Variants in CNTN4 observed in about 807,000 individuals in gnomAD.
The protein encoded by CNTN4 is contactin 4, also known as contactin-4.
CNTN4 carries 77 observed loss-of-function variants against 122.5 expected under a neutral mutation model. The observed-to-expected ratio is 0.63, with a 90% CI of 0.52 to 0.76. CNTN4 has a LOEUF of 0.76. Ranked by LOEUF, CNTN4 falls within the 30% of genes least tolerant of loss-of-function variation. CNTN4 has a pLI of 0.00. For missense variants in CNTN4, 1,256 were observed against 1,259.1 expected (o/e 1.00, Z 0.04); for synonymous variants, 512 against 447.0 (o/e 1.15, Z -1.83).
Position 2,120,405 on chromosome 3 carries a change from ATTTTTT to A in CNTN4, c.-145+19778_-145+19783del, listed in dbSNP as rs57112843. ...TATATATATATATATATATATATAT[ATTTTTT>A]TTTTTTTTTTTATGCAGAGTCTCAC... On this transcript the variant is annotated intron_variant, in intron 2 of 24. Coordinates refer to ENST00000418658, the MANE Select transcript of CNTN4 (RefSeq NM_175607.3). 2.9e-4 allele frequency among the ~76,000 whole-genome samples: 12 copies of A among 40,868 alleles called. 1 individual carries two copies. The highest frequency in any genetic ancestry group is 1.1e-3 in the African/African-American group (10 of 9,024). The allele number at this position is 40,868 out of a possible 152,430, so 26.8% of individuals were successfully genotyped here.
At chr3:2,900,657 C>T (rs1476458105) in intron 10 of CNTN4, 28 bp from the exon 11 acceptor site, 1 of 1,611,290 alleles carries the variant, frequency 6.2e-7, no homozygotes, top group Non-Finnish European at 8.5e-7. Context: ...TGAATATACA[C>T]CTTTCTTTGC....
chr3:2,657,696 CTG>C (rs2083656749), intron 4 of CNTN4, among the ~76,000 whole-genome samples: 1 of 151,952 alleles, frequency 6.6e-6, no homozygotes, highest in African/African-American at 2.4e-5. Flanking sequence ...GTTTATGGCT[CTG>C]TGGTTTGGGT....
chr3:2,967,770 T>C (rs1286559368), intron 13 of CNTN4, among the ~76,000 whole-genome samples: 1 of 152,130 alleles, frequency 6.6e-6, no homozygotes, highest in African/African-American at 2.4e-5. Flanking sequence ...GGTGTGTATA[T>C]GAACACATTC....
rs184240046 is a variant in CNTN4, at chr3:2,207,797, G to A, written c.-145+107158G>A. ...TCCTTCTATTGGAAGAAAATGCCAT[G>A]TAGGGTTTTCATAGTTACAGAGGAG... is the stretch of plus-strand genomic sequence containing the variant. On this transcript the variant is annotated intron_variant, in intron 2 of 24. Transcript: ENST00000418658. Among the ~76,000 whole-genome samples, 46 of 152,204 alleles carry A rather than the reference G, an allele frequency of 3.0e-4. 1 individual carries two copies. Among genetic ancestry groups the A allele is most frequent in the Admixed American group, 2.6e-3 (40 of 15,252 alleles).
intron 3 of CNTN4, among the ~76,000 whole-genome samples, chr3:2,406,171 A>G (rs1414437086): frequency 1.3e-5 from 2 of 152,226 alleles, no homozygotes; most frequent in East Asian, 3.8e-4. Context: ...CCCAAAATTT[A>G]TTAATTATAA....
chr3:3,047,305 C>G (rs1327193963), intron 23 of CNTN4, among the ~76,000 whole-genome samples: 2 of 152,150 alleles, frequency 1.3e-5, no homozygotes, highest in East Asian at 3.9e-4. Flanking sequence ...ACTCTCCACC[C>G]CAAATCAACA....
chr3:2,282,350 A>T (rs2041747632), intron 2 of CNTN4, among the ~76,000 whole-genome samples: 1 of 150,226 alleles, frequency 6.7e-6, no homozygotes, highest in African/African-American at 2.5e-5. Context: ...TATATAAATG[A>T]CCTTTAATGT....
At chr3:2,894,547 A>G (rs1455341835) in intron 10 of CNTN4, among the ~76,000 whole-genome samples, 1 of 152,198 alleles carries the variant, frequency 6.6e-6, no homozygotes, top group African/African-American at 2.4e-5. Context: ...AATGATGTGC[A>G]TAAAGTGAAG....
chr3:2,455,050 ATAAAACCAG>A (rs2048947682), intron 3 of CNTN4, among the ~76,000 whole-genome samples: 1 of 144,180 alleles, frequency 6.9e-6, no homozygotes, highest in South Asian at 2.1e-4. Flanking sequence ...AGGGACAAAA[ATAAAACCAG>A]TAAATATGGT....
intron 2 of CNTN4, among the ~76,000 whole-genome samples, chr3:2,291,935 C>T (rs2042151023): frequency 6.6e-6 from 1 of 151,986 alleles, no homozygotes; most frequent in African/African-American, 2.4e-5. Flanking sequence ...GGGGTTTCAC[C>T]ATATTGGTCA....
At chr3:2,638,139 C>T (rs1034848722) in intron 4 of CNTN4, among the ~76,000 whole-genome samples, 1 of 152,208 alleles carries the variant, frequency 6.6e-6, no homozygotes, top group Non-Finnish European at 1.5e-5. Context: ...TTGACTTTAA[C>T]TTCCACCTTA....
At chr3:2,506,456 A>G (rs1402563094) in intron 3 of CNTN4, among the ~76,000 whole-genome samples, 4 of 152,230 alleles carry the variant, frequency 2.6e-5, no homozygotes, top group African/African-American at 7.2e-5. Flanking sequence ...ATAAATGCAT[A>G]GAAGTCTATA....
At chr3:3,049,638 A>G (rs141304771) in intron 23 of CNTN4, among the ~76,000 whole-genome samples, 5 of 152,298 alleles carry the variant, frequency 3.3e-5, no homozygotes, top group African/African-American at 4.8e-5. Context: ...TGAGGGGAAT[A>G]GAGAAAGCCA....
At chr3:2,201,307 T>G (rs1196511731) in intron 2 of CNTN4, among the ~76,000 whole-genome samples, 1 of 152,196 alleles carries the variant, frequency 6.6e-6, no homozygotes, top group Non-Finnish European at 1.5e-5. Context: ...CAATGAGTTC[T>G]TAATTGGGTA....
chr3:2,494,119 T>C (rs1470183817), intron 3 of CNTN4, among the ~76,000 whole-genome samples: 3 of 152,116 alleles, frequency 2.0e-5, no homozygotes, highest in Non-Finnish European at 4.4e-5. Context: ...CAATTATTGA[T>C]GAAAGAGAGT....
At chr3:2,185,189 T>A (rs1468429284) in intron 2 of CNTN4, among the ~76,000 whole-genome samples, 1 of 152,182 alleles carries the variant, frequency 6.6e-6, no homozygotes, top group Non-Finnish European at 1.5e-5. Context: ...TCTCTTGGGA[T>A]GTATCCACTG....
intron 13 of CNTN4, among the ~76,000 whole-genome samples, chr3:2,960,063 C>T (rs1233707105): frequency 3.9e-5 from 6 of 152,038 alleles, no homozygotes; most frequent in African/African-American, 1.4e-4. Flanking sequence ...AAATGAAGAA[C>T]TTCATTTTCA....
At chr3:2,582,969 T>TA (rs2080013442) in intron 4 of CNTN4, among the ~76,000 whole-genome samples, 1 of 150,458 alleles carries the variant, frequency 6.6e-6, no homozygotes, top group Non-Finnish European at 1.5e-5. Flanking sequence ...CAAATAGATT[T>TA]AAAACGTATG....
chr3:2,427,018 C>A (rs2047864582), intron 3 of CNTN4, among the ~76,000 whole-genome samples: 1 of 152,096 alleles, frequency 6.6e-6, no homozygotes, highest in African/African-American at 2.4e-5. Context: ...TTTCAAAAAA[C>A]CAGCTCCTGG....
Sources: gnomAD v4.1 joint callset for allele counts (sites outside exome capture counted in the v4.1 genomes callset) on GRCh38, gnomAD v4.1.1 for gene constraint, MANE v1.5 for transcripts, NCBI Gene and HGNC (gene_info 2026-07-23, HGNC 2026-07-21) for gene names.